The following BMP1 variants were observed in gnomAD, a reference collection of about 807,000 sequenced individuals.
BMP1 encodes the protein bone morphogenetic protein 1.
A neutral mutation model predicts 116.8 loss-of-function variants in BMP1; 63 were observed. The ratio of observed to expected loss-of-function variants is 0.54; its 90% confidence interval spans 0.44 to 0.67. The LOEUF (loss-of-function observed/expected upper bound fraction) is 0.67, where lower values mean the gene tolerates loss of function less well. Ranked by LOEUF, BMP1 falls within the 30% of genes least tolerant of loss-of-function variation. BMP1 has a pLI of 0.00. For synonymous variants in BMP1, 536 were observed against 533.4 expected (o/e 1.00, Z -0.07); for missense variants, 1,183 against 1,358.9 (o/e 0.87, Z 2.04).
At chr8:22,183,323 G>T (rs1351576454) in intron 8 of BMP1, among the ~76,000 whole-genome samples, 1 of 152,176 alleles carries the variant, frequency 6.6e-6, no homozygotes, top group Non-Finnish European at 1.5e-5. Flanking sequence ...GGCTGAGGTG[G>T]GAGGATTGCT....
intron 16 of BMP1, 124 bp downstream of exon 16, chr8:22,202,052 T>C: frequency 7.4e-7 from 1 of 1,350,476 alleles, no homozygotes. Flanking sequence ...TAAGGCCCCC[T>C]CATTCCCCCA....
rs776440411 is a variant in BMP1 at position 22,206,935 on chromosome 8, A to T, written c.2315A>T (p.Glu772Val). 6.2e-7 allele frequency: 1 copy of T among 1,614,172 alleles called. No homozygotes were observed. The highest frequency in any genetic ancestry group is 8.5e-7 in the Non-Finnish European group (1 of 1,180,016). ...CCTGACAAGTATCCCAGCAAGAAGG[A>T]GTGCACGTGGGCCATCTCCAGCACC... ...NWPDKYPSKKECTWAISSTPG... is the reference protein window; with the variant it reads ...NWPDKYPSKKVCTWAISSTPG... The change falls in exon 17 of 20, where the codon GAG (glutamate) becomes GTG (valine). Residue 772 changes from glutamate to valine, a missense_variant. This residue lies in a region of BMP1 where 956 missense variants were observed against 1,135.2 expected (regional missense o/e 0.84). Coordinates refer to ENST00000306385, the MANE Select transcript of BMP1 (RefSeq NM_006129.5).
rs755936351 is a variant in BMP1 at position 22,195,579 on chromosome 8, G to T, written c.1757G>T (p.Arg586Leu). Reference sequence around the variant, plus strand: ...TACGAGCTGGCCCCAGACAAGCGCCGCTGTGAGGGTGAGTGCCCCCAGACT... The same window carrying T: ...TACGAGCTGGCCCCAGACAAGCGCCTCTGTGAGGGTGAGTGCCCCCAGACT... ...PGYELAPDKR[R>L]CEAACGGFLT... Residue 586 changes from arginine (R) to leucine (L), a missense_variant, in exon 13 of 20, where the codon CGC becomes CTC. Physicochemically the swap from Arg to Leu is moderately radical, Grantham distance 102 (BLOSUM62 -2). Around this residue, in one of 4 missense-constraint regions of BMP1, gnomAD observed 956 missense variants for 1,135.2 expected, o/e 0.84. Coordinates refer to ENST00000306385, the MANE Select transcript of BMP1 (RefSeq NM_006129.5). 3.7e-6 allele frequency: 6 copies of T among 1,611,764 alleles called. No individual in the cohort carries two copies. The highest frequency in any genetic ancestry group is 5.1e-6 in the Non-Finnish European group (6 of 1,179,580).
At chr8:22,166,634 G>A (rs1216920997) in intron 1 of BMP1, among the ~76,000 whole-genome samples, 1 of 152,200 alleles carries the variant, frequency 6.6e-6, no homozygotes, top group East Asian at 1.9e-4. Flanking sequence ...GAACTGGACT[G>A]CCTGTGTGGG....
intron 1 of BMP1, among the ~76,000 whole-genome samples, chr8:22,165,878 C>CGTGTGTGT (rs1432185239): frequency 3.0e-5 from 2 of 67,712 alleles, no homozygotes; most frequent in Admixed American, 1.5e-4. Flanking sequence ...AACTCCTGTG[C>CGTGTGTGT]GTGCGTGTGT....
rs752781420 is a variant in BMP1, at chr8:22,165,470, C to G, written c.65C>G (p.Pro22Arg). ...CTGCTGCTCCCGCGTCCCGGCCGGC[C>G]GCTGGACTTGGCCGACTACACCTAT... is the stretch of plus-strand genomic sequence containing the variant. ...GLLLLPRPGR[P>R]LDLADYTYDL... Residue 22 changes from proline (P) to arginine (R), a missense_variant, in exon 1 of 20, where the codon CCG (proline) becomes CGG (arginine). By Grantham distance (103) the Pro-to-Arg change is moderately radical. Around this residue, in one of 4 missense-constraint regions of BMP1, gnomAD observed 185 missense variants for 158.9 expected, o/e 1.16. Transcript: ENST00000306385. 1.9e-6 allele frequency: 3 copies of G among 1,584,070 alleles called. No homozygotes were observed. The highest frequency in any genetic ancestry group is 1.4e-5 in the African/African-American group (1 of 71,432).
intron 8 of BMP1, among the ~76,000 whole-genome samples, chr8:22,190,909 G>A (rs140835410): frequency 3.3e-5 from 5 of 152,250 alleles, no homozygotes; most frequent in Admixed American, 6.5e-5. Context: ...CACTGGCCTC[G>A]CAGGTCACGG....
Position 22,201,825 on chromosome 8 carries a change from T to C in BMP1, c.2130T>C (p.Asp710=). The change falls in exon 16 of 20, where the codon GAT becomes GAC. Residue 710 remains aspartate (D), a synonymous_variant. Coordinates refer to ENST00000306385, the MANE Select transcript of BMP1 (RefSeq NM_006129.5). ...FFSDKDECSK[D]NGGCQQDCVN... ...CAGACAAGGACGAGTGCTCCAAGGA[T>C]AACGGCGGCTGCCAGCAGGACTGCG... 6.2e-7 allele frequency: 1 copy of C among 1,613,138 alleles called. No homozygotes were observed. The highest frequency in any genetic ancestry group is 1.1e-5 in the South Asian group (1 of 91,070).
chr8:22,184,254 A>G (rs912646002), intron 8 of BMP1, among the ~76,000 whole-genome samples: 1 of 152,158 alleles, frequency 6.6e-6, no homozygotes, highest in African/African-American at 2.4e-5. Flanking sequence ...GGGGTATGGC[A>G]TTGGGCTAGG....
chr8:22,197,803 T>C (rs1351281238), intron 15 of BMP1, among the ~76,000 whole-genome samples: 1 of 152,164 alleles, frequency 6.6e-6, no homozygotes, highest in Non-Finnish European at 1.5e-5. Context: ...GTGTTTGCCT[T>C]GGACTGTGTG....
intron 8 of BMP1, among the ~76,000 whole-genome samples, chr8:22,190,230 T>C (rs1478663816): frequency 6.6e-6 from 1 of 152,358 alleles, no homozygotes; most frequent in South Asian, 2.1e-4. Flanking sequence ...TGGCCTGTAG[T>C]GTGCTTTTCA....
At chr8:22,177,483 C>G (rs1224626614) in intron 5 of BMP1, 3 of 704,126 alleles carry the variant, frequency 4.3e-6, no homozygotes, top group South Asian at 1.4e-5. Flanking sequence ...TATCTGCCCT[C>G]TGCCTGGTCT....
rs538987409 is a variant in BMP1 at position 22,167,506 on chromosome 8, G to A, written c.148+1953G>A. Among the ~76,000 whole-genome samples the A allele has an allele frequency of 1.8e-3, 279 of 152,292 alleles. 1 individual carries two copies. The highest frequency in any genetic ancestry group is 3.3e-3 in the Non-Finnish European group (222 of 68,006). On this transcript the variant is annotated intron_variant, in intron 1 of 19. Coordinates refer to ENST00000306385, the MANE Select transcript of BMP1 (RefSeq NM_006129.5). The stretch of plus-strand genomic sequence containing the variant: ...GGTGGGGCTGGGGCCTGGCCTTAAA[G>A]AATGGGTGGGAAGCCATTCTGATGT...
At chr8:22,211,488 G>A (rs957289282) in intron 19 of BMP1, 106 bp from the exon 20 acceptor site, 1 of 1,487,752 alleles carries the variant, frequency 6.7e-7, no homozygotes, top group Non-Finnish European at 9.2e-7. Context: ...AGAATCTGGT[G>A]GCTGCCTGGG....
In BMP1 at chr8:22,194,883, A is replaced by C; in HGVS notation, c.1603A>C (p.Ile535Leu). Residue 535 changes from isoleucine to leucine, a missense_variant, in exon 12 of 20, where the codon ATT becomes CTT. Physicochemically the swap from Ile to Leu is conservative, Grantham distance 5. This residue lies in a region of BMP1 where 956 missense variants were observed against 1,135.2 expected (regional missense o/e 0.84). Coordinates refer to ENST00000306385, the MANE Select transcript of BMP1 (RefSeq NM_006129.5). This position sits in a 1 kb window ranked among gnomAD's most constrained non-coding sequence, Gnocchi z 4.5. ...LWLKFVSDGS[I>L]NKAGFAVNFF... is the part of the protein sequence containing the mutation. ...GCTCAAGTTCGTCTCTGACGGGTCC[A>C]TTAACAAAGCGGGCTTTGCCGTCAA... The C allele has an allele frequency of 6.2e-7, 1 of 1,612,386 alleles. No homozygotes were observed. The highest frequency in any genetic ancestry group is 8.5e-7 in the Non-Finnish European group (1 of 1,179,576).
At chr8:22,189,433 T>TACACACACACACAC (rs10672713) in intron 8 of BMP1, among the ~76,000 whole-genome samples, 259 of 141,382 alleles carry the variant, frequency 1.8e-3, no homozygotes, top group East Asian at 7.3e-3. Flanking sequence ...TTGATGGAGA[T>TACACACACACACAC]ACACACACAC....
intron 15 of BMP1, among the ~76,000 whole-genome samples, chr8:22,197,757 G>A (rs1829134133): frequency 6.6e-6 from 1 of 152,214 alleles, no homozygotes; most frequent in Non-Finnish European, 1.5e-5. Flanking sequence ...CTAGGAACAG[G>A]CAGTTCAAGA....
intron 8 of BMP1, among the ~76,000 whole-genome samples, chr8:22,189,342 C>CA (rs979689402): frequency 2.6e-5 from 4 of 151,916 alleles, no homozygotes; most frequent in African/African-American, 9.7e-5. Context: ...TGCCAGCACT[C>CA]AGTCATTTTT....
chr8:22,173,961 G>T (rs1019310073), intron 2 of BMP1, among the ~76,000 whole-genome samples: 1 of 152,210 alleles, frequency 6.6e-6, no homozygotes, highest in African/African-American at 2.4e-5. Flanking sequence ...ACTTTCAAAA[G>T]TATTGTCTAG....
Sources: allele counts gnomAD v4.1 joint callset (sites outside exome capture counted in the v4.1 genomes callset), GRCh38; gene constraint gnomAD v4.1.1; regional missense constraint gnomAD v4.1.1; non-coding constraint Gnocchi (gnomAD v3.1); transcripts MANE v1.5; gene names NCBI Gene and HGNC (gene_info 2026-07-23, HGNC 2026-07-21).